The following TTC12 variants were observed in gnomAD, a reference collection of about 807,000 sequenced individuals.
The protein encoded by TTC12 is tetratricopeptide repeat domain 12, also known as tetratricopeptide repeat protein 12.
TTC12 carries 70 observed loss-of-function variants against 90.1 expected under a neutral mutation model. The ratio of observed to expected loss-of-function variants is 0.78; its 90% CI spans 0.64 to 0.95. The LOEUF is 0.95. TTC12 is among the 40% of genes least tolerant of loss of function. The pLI is 0.00. For synonymous variants in TTC12, 296 were observed against 311.5 expected (o/e 0.95, Z 0.53); for missense variants, 819 against 846.1 (o/e 0.97, Z 0.40).
intron 21 of TTC12, 54 bp downstream of exon 21, chr11:113,365,114 T>A: frequency 1.3e-6 from 2 of 1,541,926 alleles, no homozygotes; most frequent in Non-Finnish European, 1.8e-6. Flanking sequence ...GCAGCTGAGC[T>A]GAGGTGCTGA....
At chr11:113,353,857 T>C (rs1007296961) in intron 16 of TTC12, among the ~76,000 whole-genome samples, 1 of 152,234 alleles carries the variant, frequency 6.6e-6, no homozygotes, top group Admixed American at 6.5e-5. Context: ...GTGTTTTGGT[T>C]ACTGTAGCCC....
chr11:113,324,608 C>A lies in TTC12; in HGVS notation c.248C>A (p.Ala83Asp), dbSNP rs1947569195. The A allele has an allele frequency of 2.5e-6, 4 of 1,613,308 alleles. No homozygotes were observed. In the East Asian group the frequency reaches 8.9e-5, roughly 36 times the overall value. Residue 83 changes from alanine to aspartate, a missense_variant, in exon 5 of 22, where the codon GCC becomes GAC. Ala to Asp is a moderately radical substitution (Grantham distance 126). Transcript: ENST00000529221. ...MKSAEEINSE[A>D]FLASVEKDAK... is the part of the protein sequence containing the mutation. ...TCTGAAATTACCCTGCTGTCAGAGG[C>A]CTTCTTGGCATCTGTGGAGAAGGAT...
chr11:113,331,957 C>A (rs1948092349), intron 7 of TTC12, among the ~76,000 whole-genome samples: 1 of 152,208 alleles, frequency 6.6e-6, no homozygotes, highest in South Asian at 2.1e-4. Context: ...AAAAGAAAAG[C>A]TTTTGCTCTC....
intron 6 of TTC12, among the ~76,000 whole-genome samples, chr11:113,328,125 T>C (rs1352005095): frequency 1.3e-5 from 2 of 152,228 alleles, no homozygotes; most frequent in Non-Finnish European, 2.9e-5. Flanking sequence ...TGTGTAGTAC[T>C]GGCTTTATTA....
intron 2 of TTC12, among the ~76,000 whole-genome samples, chr11:113,318,410 C>G (rs1223448467): frequency 6.6e-6 from 1 of 152,168 alleles, no homozygotes; most frequent in African/African-American, 2.4e-5. Flanking sequence ...CTTCTGAGGC[C>G]TCTCTCCTTG....
Position 113,325,532 on chromosome 11 carries a change from GAA to G in TTC12, c.335_336del (p.Lys112ArgfsTer3), listed in dbSNP as rs782149496. ...AACTTATATTCCCATAGCCCTAAAA[GAA>G]AAAGGGAATGAAGCATTTGCTGAAG... ...ENKVLADALK[E>X]KGNEAFAEGN... is the part of the protein sequence containing the mutation. On this transcript the variant is annotated frameshift_variant, in exon 6 of 22. Coordinates refer to ENST00000529221, the MANE Select transcript of TTC12 (RefSeq NM_017868.4). LOFTEE classifies it high-confidence loss of function. 22 of 1,613,730 alleles carry G rather than the reference GAA, an allele frequency of 1.4e-5. No individual in the cohort carries two copies. The highest frequency in any genetic ancestry group is 1.7e-5 in the Non-Finnish European group (20 of 1,179,770).
At chr11:113,325,404 C>A in intron 5 of TTC12, 120 bp from the exon 6 acceptor site, 1 of 1,178,186 alleles carries the variant, frequency 8.5e-7, no homozygotes, top group Non-Finnish European at 1.2e-6. Context: ...AGTGTCAAGT[C>A]CCTTTAGGAT....
At chr11:113,342,688 T>C (rs1948747834) in intron 12 of TTC12, among the ~76,000 whole-genome samples, 1 of 151,638 alleles carries the variant, frequency 6.6e-6, no homozygotes. Flanking sequence ...TTTAGTAGAG[T>C]AGAGGAATCA....
chr11:113,368,115 G>T, downstream of TTC12: 1 of 1,228,400 alleles, frequency 8.1e-7, no homozygotes, highest in Non-Finnish European at 1.1e-6. Flanking sequence ...CTTGAAAATG[G>T]CTATGATAGG....
At chr11:113,341,185 A>C (rs1256564701) in intron 11 of TTC12, among the ~76,000 whole-genome samples, 2 of 152,322 alleles carry the variant, frequency 1.3e-5, no homozygotes, top group Non-Finnish European at 2.9e-5. Flanking sequence ...AGCCGAGATC[A>C]CGCCACTGTA....
In TTC12 at chr11:113,364,856, TG is replaced by T; in HGVS notation, c.1839del (p.Leu614SerfsTer30). 6.2e-7 allele frequency: 1 copy of T among 1,614,188 alleles called. No homozygotes were observed. Among genetic ancestry groups the T allele is most frequent in the South Asian group, 1.1e-5 (1 of 91,084 alleles). On this transcript the variant is annotated frameshift_variant, in exon 21 of 22. Transcript: ENST00000529221. LOFTEE classifies it high-confidence loss of function. The stretch of plus-strand genomic sequence containing the variant: ...GCAGAGTTGAGCGTTATGATGAAGC[TG>T]CTCAGCTCGGAGGATGAGGTTCTGG... Reference protein sequence around the residue: ...LDKKLSVMMKLLSSEDEVLVG... With the variant: ...LDKKLSVMMKXLSSEDEVLVG...
intron 7 of TTC12, among the ~76,000 whole-genome samples, chr11:113,332,159 T>A (rs1200876407): frequency 6.6e-6 from 1 of 152,236 alleles, no homozygotes; most frequent in Non-Finnish European, 1.5e-5. Flanking sequence ...AGGACCAGAA[T>A]CATTTCTTTC....
chr11:113,358,499 G>A (rs1949744214), intron 16 of TTC12, among the ~76,000 whole-genome samples: 2 of 152,192 alleles, frequency 1.3e-5, no homozygotes, highest in Non-Finnish European at 2.9e-5. Flanking sequence ...GGGGCCCCAG[G>A]AGAGGCCAGC....
At chr11:113,344,548 A>G (rs1170693527) in intron 13 of TTC12, 108 bp downstream of exon 13, 16 of 1,191,542 alleles carry the variant, frequency 1.3e-5, no homozygotes, top group South Asian at 8.9e-5. Context: ...TGAAGGATCA[A>G]TAACAGAAAG....
At position 113,323,989 on chromosome 11, in the gene TTC12, T is replaced by C. The variant is rs782011795; in HGVS notation, c.223-5T>C. Reference sequence around the variant, plus strand: ...CTTTGTTTTTATGGTAACCTACGTCTACAGAGTGCAGAAGAAATAAACTCA... The same window carrying C: ...CTTTGTTTTTATGGTAACCTACGTCCACAGAGTGCAGAAGAAATAAACTCA... On this transcript the variant is annotated splice_region_variant and splice_polypyrimidine_tract_variant and intron_variant, in intron 3 of 21. Transcript: ENST00000529221. 5.0e-5 allele frequency: 81 copies of C among 1,611,348 alleles called. 1 individual carries two copies. In the South Asian group the frequency reaches 8.7e-4, roughly 17 times the overall value.
intron 2 of TTC12, among the ~76,000 whole-genome samples, chr11:113,317,911 C>T (rs1947047406): frequency 6.6e-6 from 1 of 152,176 alleles, no homozygotes; most frequent in African/African-American, 2.4e-5. Flanking sequence ...CCATAATCCT[C>T]ACTGTCCACT....
chr11:113,339,227 C>G (rs1254673418), intron 9 of TTC12, 59 bp from the exon 10 acceptor site: 8 of 1,426,564 alleles, frequency 5.6e-6, no homozygotes, highest in Non-Finnish European at 7.6e-6. Context: ...AAGGTTGCTT[C>G]TTGTGTGGTA....
At position 113,366,109 on chromosome 11, in the gene TTC12, A is replaced by G. The variant is rs181173353; in HGVS notation, c.2043-116A>G. On this transcript the variant is annotated intron_variant, in intron 21 of 21. Transcript: ENST00000529221. ...CCACAGCCACTTCCTGTTTCCACCC[A>G]GAGTGATAGGACTGACGTTCTCAGC... 146 of 1,120,214 alleles carry G rather than the reference A, an allele frequency of 1.3e-4. No individual in the cohort carries two copies. The East Asian group carries it at 2.8e-3, about 21-fold the overall frequency. The allele number at this position is 1,120,214 out of a possible 1,614,324, so 69.4% of individuals were successfully genotyped here.
chr11:113,345,844 C>T (rs1231321735), intron 13 of TTC12, among the ~76,000 whole-genome samples: 2 of 152,108 alleles, frequency 1.3e-5, no homozygotes, highest in East Asian at 3.9e-4. Context: ...CTCAAGCTAT[C>T]TTTGAATTGC....
Sources: allele counts gnomAD v4.1 joint callset (sites outside exome capture counted in the v4.1 genomes callset), GRCh38; gene constraint gnomAD v4.1.1; transcripts MANE v1.5; gene names NCBI Gene and HGNC (gene_info 2026-07-23, HGNC 2026-07-21).